Variants in SLC6A6 observed in about 807,000 individuals in gnomAD.
SLC6A6 encodes sodium- and chloride-dependent taurine transporter.
A neutral mutation model predicts 68.8 loss-of-function variants in SLC6A6; 16 were observed. That is an observed-to-expected ratio of 0.23 (90% CI 0.16 to 0.35). The LOEUF (loss-of-function observed/expected upper bound fraction) is 0.35, where lower values mean the gene tolerates loss of function less well. Ranked by LOEUF, SLC6A6 falls within the 10% of genes least tolerant of loss-of-function variation. SLC6A6 has a pLI of 1.00. For missense variants in SLC6A6, 474 were observed against 802.8 expected, an observed-to-expected ratio of 0.59 and a Z score of 4.95; for synonymous variants, 312 against 315.4, an observed-to-expected ratio of 0.99 and a Z score of 0.12.
At chr3:14,424,973 A>T (rs1462589388) in intron 2 of SLC6A6, among the ~76,000 whole-genome samples, 2 of 152,166 alleles carry the variant, frequency 1.3e-5, no homozygotes, top group East Asian at 3.9e-4. Context: ...AGTGTGGCAG[A>T]TCTGGAGCCC....
chr3:14,459,734 A>G (rs1286613580), intron 6 of SLC6A6, among the ~76,000 whole-genome samples: 1 of 152,118 alleles, frequency 6.6e-6, no homozygotes, highest in Non-Finnish European at 1.5e-5. Context: ...AGGCTTAGGG[A>G]GGTCAAGTGA....
intron 2 of SLC6A6, among the ~76,000 whole-genome samples, chr3:14,425,169 T>G (rs1699566286): frequency 6.6e-6 from 1 of 152,200 alleles, no homozygotes; most frequent in Non-Finnish European, 1.5e-5. Context: ...TGTACCTTCC[T>G]TGTGTAATTC....
At chr3:14,421,155 G>GA (rs1196319025) in intron 2 of SLC6A6, among the ~76,000 whole-genome samples, 1 of 152,212 alleles carries the variant, frequency 6.6e-6, no homozygotes, top group African/African-American at 2.4e-5. Context: ...GGGACTTTAG[G>GA]AAACGGGATT....
At chr3:14,405,011 G>T (rs1699073624) in intron 1 of SLC6A6, among the ~76,000 whole-genome samples, 1 of 152,356 alleles carries the variant, frequency 6.6e-6, no homozygotes, top group South Asian at 2.1e-4. Flanking sequence ...GACAAACTGA[G>T]AGCCACCTAA....
rs562027976 is a variant in SLC6A6 at position 14,432,073 on chromosome 3, G to A, written c.-11-11551G>A. Among the ~76,000 whole-genome samples, 305 of 152,282 alleles carry A rather than the reference G, an allele frequency of 2.0e-3. 15 individuals carry two copies. In the South Asian group the frequency reaches 0.06, roughly 30 times the overall value. On this transcript the variant is annotated intron_variant, in intron 2 of 14. Coordinates refer to ENST00000622186, the MANE Select transcript of SLC6A6 (RefSeq NM_003043.6). ...ACAGTGACAGAGTTGGGGCTGGCCCGGCTCCTGCACGTGCACCCTTAGCTG... is the reference window on the plus strand; with the variant it reads ...ACAGTGACAGAGTTGGGGCTGGCCCAGCTCCTGCACGTGCACCCTTAGCTG...
intron 5 of SLC6A6, among the ~76,000 whole-genome samples, chr3:14,452,570 G>A (rs3773185): frequency 0.14 from 21,110 of 152,192 alleles, 1,965 homozygotes; most frequent in East Asian, 0.38. Flanking sequence ...ATGGTCACAG[G>A]TCACATTGTG....
intron 2 of SLC6A6, among the ~76,000 whole-genome samples, chr3:14,423,092 G>A (rs1211696475): frequency 6.6e-6 from 1 of 152,190 alleles, no homozygotes; most frequent in Non-Finnish European, 1.5e-5. Flanking sequence ...GGGAAGAGGT[G>A]GCATGTGTGT....
In SLC6A6 at chr3:14,472,075, A is replaced by C; in HGVS notation, c.1097-130A>C. On this transcript the variant is annotated intron_variant, in intron 9 of 14. Coordinates refer to ENST00000622186, the MANE Select transcript of SLC6A6 (RefSeq NM_003043.6). This position sits in a 1 kb window ranked among gnomAD's most constrained non-coding sequence, Gnocchi z 4.5. ...CGAGACAGGCCTGGTCTCTTTCCCC[A>C]GGCCAGAGTTCAGACCTGGCTCCCT... The C allele has an allele frequency of 1.6e-6, 1 of 634,074 alleles. No homozygotes were observed. Among genetic ancestry groups the C allele is most frequent in the South Asian group, 1.9e-5 (1 of 52,136 alleles). 39.3% of individuals were successfully genotyped at this position (634,074 alleles called of 1,614,324 possible).
chr3:14,405,616 G>T (rs1021417166), intron 1 of SLC6A6, among the ~76,000 whole-genome samples: 1 of 152,234 alleles, frequency 6.6e-6, no homozygotes, highest in African/African-American at 2.4e-5. Context: ...ATGAGCAAGA[G>T]TCAGATTCTT....
chr3:14,445,674 G>C, intron 3 of SLC6A6, 43 bp from the exon 4 acceptor site: 1 of 1,613,038 alleles, frequency 6.2e-7, no homozygotes, highest in Non-Finnish European at 8.5e-7. Flanking sequence ...CGTCGGCGCT[G>C]CCATGGCCAC....
chr3:14,445,514 A>G (rs1339033093), intron 3 of SLC6A6, among the ~76,000 whole-genome samples: 1 of 152,132 alleles, frequency 6.6e-6, no homozygotes, highest in Admixed American at 6.5e-5. Context: ...TGAAGGTGAG[A>G]GGGAGGGCAC....
At chr3:14,422,586 C>T (rs537848836) in intron 2 of SLC6A6, among the ~76,000 whole-genome samples, 1 of 152,218 alleles carries the variant, frequency 6.6e-6, no homozygotes, top group African/African-American at 2.4e-5. Flanking sequence ...CTTAGTGGCT[C>T]ACCTTCTGGG....
In SLC6A6 at chr3:14,489,281, T is replaced by G. The variant is rs1442157059; in HGVS notation, c.*4274T>G. ...GTATATCAATATTTTAAATTCATCT[T>G]TGCTTTTTTTAGAGGAGTTTGTAAT... On this transcript the variant is annotated 3_prime_UTR_variant, in exon 15 of 15. Coordinates refer to ENST00000622186, the MANE Select transcript of SLC6A6 (RefSeq NM_003043.6). The G allele has an allele frequency of 6.6e-6, 1 of 152,656 alleles. No individual in the cohort carries two copies. Among genetic ancestry groups the G allele is most frequent in the Non-Finnish European group, 1.5e-5 (1 of 68,042 alleles). The allele number at this position is 152,656 out of a possible 1,614,324, so 9.5% of individuals were successfully genotyped here. A position where few individuals can be genotyped will look rare whatever the true frequency, so the allele number is the denominator to read the frequency against.
At chr3:14,435,843 G>A (rs1699840048) in intron 2 of SLC6A6, among the ~76,000 whole-genome samples, 1 of 152,200 alleles carries the variant, frequency 6.6e-6, no homozygotes, top group Non-Finnish European at 1.5e-5. Context: ...AGCCCCAGTG[G>A]GCACCAGTCC....
chr3:14,414,425 G>A (rs1476255095), intron 1 of SLC6A6, among the ~76,000 whole-genome samples: 1 of 152,206 alleles, frequency 6.6e-6, no homozygotes, highest in African/African-American at 2.4e-5. Flanking sequence ...TGGGCTGAGA[G>A]CAGGCCTATG....
At chr3:14,458,519 G>A (rs1700421780) in intron 6 of SLC6A6, among the ~76,000 whole-genome samples, 1 of 152,242 alleles carries the variant, frequency 6.6e-6, no homozygotes, top group South Asian at 2.1e-4. Flanking sequence ...ATTAGCCACA[G>A]CATGGACCCT....
intron 5 of SLC6A6, among the ~76,000 whole-genome samples, chr3:14,452,708 A>G (rs1238706543): frequency 6.6e-6 from 1 of 152,202 alleles, no homozygotes; most frequent in Non-Finnish European, 1.5e-5. Context: ...GCACTTTCCC[A>G]GATCCTCATG....
At chr3:14,414,467 C>T (rs1213753417) in intron 1 of SLC6A6, among the ~76,000 whole-genome samples, 1 of 152,102 alleles carries the variant, frequency 6.6e-6, no homozygotes, top group Admixed American at 6.5e-5. Context: ...TTTAAGCTGT[C>T]CCCAGAAGGG....
Position 14,468,332 on chromosome 3 carries a change from T to A in SLC6A6, c.1096+120T>A, listed in dbSNP as rs1176329670. On this transcript the variant is annotated intron_variant, in intron 9 of 14. Coordinates refer to ENST00000622186, the MANE Select transcript of SLC6A6 (RefSeq NM_003043.6). The surrounding 1 kb of genome is among the most constrained non-coding windows in gnomAD (Gnocchi z 4.5). ...GGGGGGACGAGCCTGGTTTCTAAAA[T>A]GGACCCCCCCCCCGCCACCAAGATA... is the stretch of plus-strand genomic sequence containing the variant. 3.7e-6 allele frequency: 3 copies of A among 804,016 alleles called. No homozygotes were observed. The highest frequency in any genetic ancestry group is 1.8e-6 in the Non-Finnish European group (1 of 557,170). 49.8% of individuals were successfully genotyped at this position (804,016 alleles called of 1,614,324 possible).
Sources: gnomAD v4.1 joint callset for allele counts (sites outside exome capture counted in the v4.1 genomes callset) on GRCh38, gnomAD v4.1.1 for gene constraint, Gnocchi (gnomAD v3.1) non-coding constraint, MANE v1.5 for transcripts, NCBI Gene and HGNC (gene_info 2026-07-23, HGNC 2026-07-21) for gene names.